Variants in ACKR2 observed in about 807,000 individuals in gnomAD.
ACKR2 encodes C-C chemokine receptor D6.
For synonymous variants in ACKR2, 207 were observed against 192.2 expected (o/e 1.08, Z -0.64); for missense variants, 457 against 477.3 (o/e 0.96, Z 0.40).
chr3:42,829,092 A>G (rs2125607810), intron 2 of ACKR2, among the ~76,000 whole-genome samples: 1 of 152,290 alleles, frequency 6.6e-6, no homozygotes, highest in Non-Finnish European at 1.5e-5. Context: ...GAACAGGGTG[A>G]AAGAATGGGC....
intron 2 of ACKR2, among the ~76,000 whole-genome samples, chr3:42,862,785 G>A (rs1269294967): frequency 6.6e-6 from 1 of 152,168 alleles, no homozygotes; most frequent in Non-Finnish European, 1.5e-5. Context: ...AATAAATGGT[G>A]TTGGGAAAAC....
At chr3:42,821,016 C>T (rs1700805334) in intron 2 of ACKR2, among the ~76,000 whole-genome samples, 1 of 152,030 alleles carries the variant, frequency 6.6e-6, no homozygotes, top group Admixed American at 6.6e-5. Flanking sequence ...TCCCGAGTAG[C>T]TGGGATTACA....
chr3:42,823,193 T>A (rs1041075035), intron 2 of ACKR2, among the ~76,000 whole-genome samples: 1 of 152,214 alleles, frequency 6.6e-6, no homozygotes, highest in Non-Finnish European at 1.5e-5. Flanking sequence ...TATCCCTTCC[T>A]CTTGTTTTCT....
chr3:42,835,011 G>A lies in ACKR2; in HGVS notation c.-38+15300G>A, dbSNP rs116548927. Among the ~76,000 whole-genome samples, 764 of 152,088 alleles carry A rather than the reference G, an allele frequency of 5.0e-3. 2 individuals are homozygous for A. Among genetic ancestry groups the A allele is most frequent in the Non-Finnish European group, 8.9e-3 (604 of 67,980 alleles). On this transcript the variant is annotated intron_variant, in intron 2 of 2. Transcript: ENST00000422265. ...AGTGATCCTCCTGCCTCAGCTTCCC[G>A]AGTAGCTGGAACTGCAGGCACGCAC... is the stretch of plus-strand genomic sequence containing the variant.
chr3:42,843,097 G>GTCTC (rs532504034), intron 2 of ACKR2, among the ~76,000 whole-genome samples: 7 of 148,680 alleles, frequency 4.7e-5, no homozygotes, highest in African/African-American at 9.9e-5. Flanking sequence ...TTGAGATGGA[G>GTCTC]TCTCTCTCTC....
intron 2 of ACKR2, among the ~76,000 whole-genome samples, chr3:42,833,262 A>C (rs1422957694): frequency 6.6e-6 from 1 of 152,228 alleles, no homozygotes; most frequent in Non-Finnish European, 1.5e-5. Flanking sequence ...AAACAAGTGA[A>C]ATTAATTTGA....
At chr3:42,827,705 A>G (rs970028739) in intron 2 of ACKR2, among the ~76,000 whole-genome samples, 2 of 152,154 alleles carry the variant, frequency 1.3e-5, no homozygotes, top group African/African-American at 4.8e-5. Context: ...AAGTGCCAAG[A>G]TGAAGGCACT....
Position 42,864,668 on chromosome 3 carries a change from ATT to A in ACKR2, c.170_171del (p.Phe57CysfsTer25). 1.2e-6 allele frequency: 2 copies of A among 1,614,060 alleles called. No homozygotes were observed. The highest frequency in any genetic ancestry group is 1.7e-6 in the Non-Finnish European group (2 of 1,180,022). On this transcript the variant is annotated frameshift_variant, in exon 3 of 3. Transcript: ENST00000422265. LOFTEE classifies it low-confidence loss of function (END_TRUNC). ...CTTCCTCCCAGTCTTCTATAGCCTG[ATT>A]TTTGTGTTGGGCCTCAGCGGGAACC... is the stretch of plus-strand genomic sequence containing the variant. ...KVFLPVFYSL[I>X]FVLGLSGNLL... is the part of the protein sequence containing the mutation.
At chr3:42,827,266 T>G (rs959156606) in intron 2 of ACKR2, among the ~76,000 whole-genome samples, 1 of 152,254 alleles carries the variant, frequency 6.6e-6, no homozygotes, top group Non-Finnish European at 1.5e-5. Flanking sequence ...CATTATTCAT[T>G]CTTTGAGTCA....
At chr3:42,847,378 C>T (rs1156914092) in intron 2 of ACKR2, among the ~76,000 whole-genome samples, 1 of 152,158 alleles carries the variant, frequency 6.6e-6, no homozygotes, top group Non-Finnish European at 1.5e-5. Context: ...GCATCATTTC[C>T]TTCCTTTTGT....
At chr3:42,815,750 TA>T (rs1345327844) in intron 1 of ACKR2, among the ~76,000 whole-genome samples, 7 of 152,358 alleles carry the variant, frequency 4.6e-5, no homozygotes, top group African/African-American at 1.7e-4. Flanking sequence ...CATGTTCTGC[TA>T]AGGTGACAAT....
chr3:42,851,850 C>CT (rs1701163924), intron 2 of ACKR2, among the ~76,000 whole-genome samples: 1 of 152,158 alleles, frequency 6.6e-6, no homozygotes, highest in Non-Finnish European at 1.5e-5. Context: ...AGTTTCACAG[C>CT]TCTGTGGTCT....
intron 2 of ACKR2, among the ~76,000 whole-genome samples, chr3:42,840,633 A>G (rs917842273): frequency 6.6e-6 from 1 of 152,214 alleles, no homozygotes; most frequent in African/African-American, 2.4e-5. Flanking sequence ...TCTGGGTCCA[A>G]AACCCATTTC....
At chr3:42,857,494 T>C (rs1010545126) in intron 2 of ACKR2, among the ~76,000 whole-genome samples, 16 of 152,162 alleles carry the variant, frequency 1.1e-4, no homozygotes, top group Admixed American at 9.8e-4. Flanking sequence ...TTTGTAGAAC[T>C]TAAAGTGCTC....
At chr3:42,826,157 G>C (rs1700862768) in intron 2 of ACKR2, among the ~76,000 whole-genome samples, 1 of 152,014 alleles carries the variant, frequency 6.6e-6, no homozygotes, top group Non-Finnish European at 1.5e-5. Flanking sequence ...TGTTGTTTAG[G>C]GAGTTGTGTG....
At chr3:42,858,103 A>C (rs1236123177) in intron 2 of ACKR2, among the ~76,000 whole-genome samples, 1 of 152,254 alleles carries the variant, frequency 6.6e-6, no homozygotes, top group Non-Finnish European at 1.5e-5. Context: ...CAGCTTTGGC[A>C]GACTTAAATG....
intron 2 of ACKR2, among the ~76,000 whole-genome samples, chr3:42,825,037 T>C (rs1293099050): frequency 6.6e-6 from 1 of 152,152 alleles, no homozygotes; most frequent in Non-Finnish European, 1.5e-5. Flanking sequence ...CCTGGGTTTA[T>C]TTATGGACTC....
chr3:42,855,463 A>C (rs1182608429), intron 2 of ACKR2, among the ~76,000 whole-genome samples: 1 of 152,202 alleles, frequency 6.6e-6, no homozygotes, highest in Non-Finnish European at 1.5e-5. Context: ...GATGAAAGTG[A>C]TAGGAGGGAA....
At chr3:42,836,331 C>G (rs1251605498) in intron 2 of ACKR2, among the ~76,000 whole-genome samples, 2 of 152,166 alleles carry the variant, frequency 1.3e-5, no homozygotes, top group African/African-American at 2.4e-5. Context: ...TTCCACAATC[C>G]ACCAGATCCT....
Sources: gnomAD v4.1 joint callset for allele counts (sites outside exome capture counted in the v4.1 genomes callset) on GRCh38, gnomAD v4.1.1 for gene constraint, MANE v1.5 for transcripts, NCBI Gene and HGNC (gene_info 2026-07-23, HGNC 2026-07-21) for gene names.